RELB: variants seen among roughly 807,000 people sequenced by gnomAD.
RELB encodes the protein transcription factor RelB.
In RELB, 14 loss-of-function variants were observed where a neutral mutation model predicts 55.4. That is an observed-to-expected ratio of 0.25 (90% CI 0.17 to 0.40). RELB has a LOEUF of 0.40. Ranked by LOEUF, RELB falls within the 10% of genes least tolerant of loss-of-function variation. The probability of loss-of-function intolerance (pLI) is 1.00; values close to 1 mark genes in which losing one functional copy is unlikely to be tolerated. For missense variants in RELB, 669 were observed against 830.7 expected (o/e 0.81, Z 2.39); for synonymous variants, 409 against 371.3 (o/e 1.10, Z -1.17).
At chr19:45,022,412 T>C (rs1465493562) in intron 5 of RELB, among the ~76,000 whole-genome samples, 1 of 152,152 alleles carries the variant, frequency 6.6e-6, no homozygotes, top group Non-Finnish European at 1.5e-5. Flanking sequence ...ACATACATTT[T>C]ATCCCTATTT....
chr19:45,017,186 A>G (rs1399582113), intron 4 of RELB, among the ~76,000 whole-genome samples: 1 of 152,142 alleles, frequency 6.6e-6, no homozygotes, highest in East Asian at 1.9e-4. Flanking sequence ...AGGCTTCAGA[A>G]GGTATTTAAT....
At chr19:45,013,751 G>A (rs1461116796) in intron 4 of RELB, among the ~76,000 whole-genome samples, 1 of 152,010 alleles carries the variant, frequency 6.6e-6, no homozygotes, top group Non-Finnish European at 1.5e-5. Context: ...AGAATCACTT[G>A]AATCCGGGAG....
chr19:45,005,168 G>A (rs1971268418), intron 2 of RELB, among the ~76,000 whole-genome samples: 3 of 152,088 alleles, frequency 2.0e-5, no homozygotes, highest in Admixed American at 6.6e-5. Context: ...AAGAGCCTCC[G>A]TCTCAGGAAA....
At chr19:45,033,857 A>T (rs112603989) in intron 9 of RELB, among the ~76,000 whole-genome samples, 8,960 of 141,384 alleles carry the variant, frequency 0.063, 668 homozygotes, top group African/African-American at 0.18. Context: ...CTCCATCTTT[A>T]AAAAAAAAAA....
In RELB at chr19:45,032,850, G is replaced by A. The variant is rs536864870; in HGVS notation, c.1207+101G>A. 1.6e-5 allele frequency: 15 copies of A among 953,536 alleles called. No homozygotes were observed. In the African/African-American group the frequency reaches 2.3e-4, roughly 14 times the overall value. 59.1% of individuals were successfully genotyped at this position (953,536 alleles called of 1,614,324 possible). ...GGGAAAGAGGCAGAACTAGAATGCA[G>A]GCTCAGAGCTACAAAGACAGTGTTC... On this transcript the variant is annotated intron_variant, in intron 9 of 11. Coordinates refer to ENST00000221452, the MANE Select transcript of RELB (RefSeq NM_006509.4).
chr19:45,033,459 C>T (rs371043137), intron 9 of RELB, among the ~76,000 whole-genome samples: 49 of 151,598 alleles, frequency 3.2e-4, no homozygotes, highest in African/African-American at 1.0e-3. Context: ...CTGAGGCAGG[C>T]GGATCACCTG....
At chr19:45,013,865 T>A (rs1971391169) in intron 4 of RELB, among the ~76,000 whole-genome samples, 1 of 151,922 alleles carries the variant, frequency 6.6e-6, no homozygotes, top group Non-Finnish European at 1.5e-5. Flanking sequence ...AAAAAGAATA[T>A]CCCACATTCT....
At chr19:45,021,255 C>T (rs543729459) in intron 4 of RELB, among the ~76,000 whole-genome samples, 97 of 151,910 alleles carry the variant, frequency 6.4e-4, no homozygotes, top group Admixed American at 1.1e-3. Context: ...GGGCGGATCA[C>T]GAGGTCAGGA....
intron 2 of RELB, among the ~76,000 whole-genome samples, chr19:45,006,297 C>G (rs981532504): frequency 6.6e-6 from 1 of 152,038 alleles, no homozygotes; most frequent in African/African-American, 2.4e-5. Context: ...CTCCGACTCC[C>G]GGGTTCAAGC....
In RELB at chr19:45,011,940, C is replaced by G; in HGVS notation, c.168C>G (p.Ile56Met). ...CCGTTTTTTCTTCTCCCGCAGAGAT[C>G]ATCGACGAGTACATCAAGGAGAACG... ...AVSRSTDELE[I>M]IDEYIKENGF... Residue 56 changes from isoleucine to methionine, a missense_variant, in exon 4 of 12, where the codon ATC (isoleucine) becomes ATG (methionine). By Grantham distance (10) the Ile-to-Met change is conservative (BLOSUM62 1). Transcript: ENST00000221452. The G allele has an allele frequency of 6.6e-7, 1 of 1,512,758 alleles. No individual in the cohort carries two copies. Among genetic ancestry groups the G allele is most frequent in the Non-Finnish European group, 8.8e-7 (1 of 1,135,052 alleles). The allele number at this position is 1,512,758 out of a possible 1,614,324, so 93.7% of individuals were successfully genotyped here.
intron 3 of RELB, 80 bp downstream of exon 3, chr19:45,009,902 A>C: frequency 5.8e-5 from 71 of 1,223,556 alleles, no homozygotes; most frequent in Non-Finnish European, 7.8e-5. Context: ...TTCCTTGTTC[A>C]GTGGGGGTGG....
chr19:45,017,077 C>CA (rs1401889049), intron 4 of RELB, among the ~76,000 whole-genome samples: 1 of 152,126 alleles, frequency 6.6e-6, no homozygotes, highest in Admixed American at 6.6e-5. Context: ...GTCAACCAGC[C>CA]ACCCCCCAAA....
At chr19:45,016,059 C>G (rs565510490) in intron 4 of RELB, among the ~76,000 whole-genome samples, 18 of 151,770 alleles carry the variant, frequency 1.2e-4, no homozygotes, top group African/African-American at 4.3e-4. Flanking sequence ...AGTGCAGTGG[C>G]ATGCAACCTC....
chr19:45,024,565 T>G (rs922716011), intron 5 of RELB, among the ~76,000 whole-genome samples: 8 of 152,084 alleles, frequency 5.3e-5, no homozygotes, highest in Non-Finnish European at 1.2e-4. Flanking sequence ...TATTTTTATT[T>G]TTTGAGACAG....
At chr19:45,034,558 C>G in intron 11 of RELB, 30 bp downstream of exon 11, 2 of 1,561,190 alleles carry the variant, frequency 1.3e-6, no homozygotes, top group East Asian at 2.4e-5. Flanking sequence ...AAGCCCCTGT[C>G]CCCTGGGTGG....
intron 2 of RELB, among the ~76,000 whole-genome samples, chr19:45,003,906 GTTT>G (rs1568395564): frequency 4.8e-5 from 3 of 62,534 alleles, no homozygotes; most frequent in African/African-American, 1.6e-4. Flanking sequence ...TTTTTTGTCT[GTTT>G]TTTGTGTTTT....
intron 2 of RELB, among the ~76,000 whole-genome samples, chr19:45,005,811 C>G (rs1245061864): frequency 1.3e-5 from 2 of 152,150 alleles, no homozygotes; most frequent in African/African-American, 2.4e-5. Flanking sequence ...GCCATGTTGG[C>G]CAGGCCGGTC....
At chr19:45,007,348 C>G (rs1197970138) in intron 2 of RELB, among the ~76,000 whole-genome samples, 2 of 152,166 alleles carry the variant, frequency 1.3e-5, no homozygotes, top group African/African-American at 4.8e-5. Flanking sequence ...ATAATATTAA[C>G]TAAGCTTTCT....
intron 4 of RELB, among the ~76,000 whole-genome samples, chr19:45,021,356 C>T (rs1971484977): frequency 1.3e-5 from 2 of 150,840 alleles, no homozygotes; most frequent in South Asian, 4.2e-4. Context: ...CACTTGTAGT[C>T]TCAGCTACTC....
Sources: gnomAD v4.1 joint callset for allele counts (sites outside exome capture counted in the v4.1 genomes callset) on GRCh38, gnomAD v4.1.1 for gene constraint, MANE v1.5 for transcripts, NCBI Gene and HGNC (gene_info 2026-07-23, HGNC 2026-07-21) for gene names.